PCDH9: variants seen among roughly 807,000 people sequenced by gnomAD.
PCDH9 encodes the protein protocadherin-9.
A neutral mutation model predicts 70.6 loss-of-function variants in PCDH9; 24 were observed. That is an observed-to-expected ratio of 0.34 (90% CI 0.25 to 0.48). PCDH9 has a LOEUF of 0.48. Ranked by LOEUF, PCDH9 falls within the 20% of genes least tolerant of loss-of-function variation. The pLI is 0.99. For missense variants in PCDH9, 1,281 were observed against 1,503.6 expected, an observed-to-expected ratio of 0.85 and a Z score of 2.45; for synonymous variants, 562 against 558.5, an observed-to-expected ratio of 1.01 and a Z score of -0.09.
chr13:66,981,566 T>G (rs1454710261), intron 2 of PCDH9, among the ~76,000 whole-genome samples: 1 of 152,098 alleles, frequency 6.6e-6, no homozygotes, highest in African/African-American at 2.4e-5. Context: ...CAATTTAAAC[T>G]TATTGAATTA....
intron 3 of PCDH9, among the ~76,000 whole-genome samples, chr13:66,700,923 A>AATATAT (rs58852431): frequency 0.012 from 721 of 58,264 alleles, 28 homozygotes; most frequent in Non-Finnish European, 0.016. Flanking sequence ...TGTACATATA[A>AATATAT]ATATATATAT....
intron 2 of PCDH9, among the ~76,000 whole-genome samples, chr13:67,198,095 G>T (rs1357291335): frequency 6.6e-6 from 1 of 151,296 alleles, no homozygotes; most frequent in Non-Finnish European, 1.5e-5. Flanking sequence ...GAACTATAGG[G>T]ATAATACATT....
rs188277315 is a variant in PCDH9 at position 67,104,242 on chromosome 13, T to C, written c.3036+121163A>G. 2.2e-3 allele frequency among the ~76,000 whole-genome samples: 331 copies of C among 152,300 alleles called. 2 individuals are homozygous for C. The highest frequency in any genetic ancestry group is 0.018 in the Admixed American group (273 of 15,298). The stretch of plus-strand genomic sequence containing the variant: ...TAAGAAACATGGGTATCTCTGTTAC[T>C]TCTAACTAGCAGGTCTGTGCATTGA... On this transcript the variant is annotated intron_variant, in intron 2 of 4. Coordinates refer to ENST00000377865, the MANE Select transcript of PCDH9 (RefSeq NM_203487.3).
At chr13:66,549,779 G>A (rs1961397458) in intron 4 of PCDH9, among the ~76,000 whole-genome samples, 1 of 152,064 alleles carries the variant, frequency 6.6e-6, no homozygotes, top group African/African-American at 2.4e-5. Flanking sequence ...CAGCACTTTG[G>A]GAGGCCAATG....
chr13:66,338,953 C>T (rs1432604098), intron 4 of PCDH9, among the ~76,000 whole-genome samples: 2 of 151,628 alleles, frequency 1.3e-5, no homozygotes, highest in African/African-American at 2.4e-5. Context: ...CAGAAAAACA[C>T]GAGAACTCCA....
chr13:67,207,553 G>A (rs2089380154), intron 2 of PCDH9: 1 of 152,154 alleles, frequency 6.6e-6, no homozygotes, highest in South Asian at 2.1e-4. Flanking sequence ...GCTGGTGTTT[G>A]ACATCTACTT....
At chr13:66,442,968 A>C (rs1270920204) in intron 4 of PCDH9, among the ~76,000 whole-genome samples, 1 of 152,160 alleles carries the variant, frequency 6.6e-6, no homozygotes, top group Non-Finnish European at 1.5e-5. Flanking sequence ...TTTTTGGTTT[A>C]CACAGCTGCA....
At chr13:66,710,013 G>A (rs1387209878) in intron 3 of PCDH9, among the ~76,000 whole-genome samples, 1 of 151,958 alleles carries the variant, frequency 6.6e-6, no homozygotes, top group African/African-American at 2.4e-5. Flanking sequence ...TCTGTTTTTA[G>A]ACAGTTGAGG....
intron 4 of PCDH9, among the ~76,000 whole-genome samples, chr13:66,541,439 A>G (rs1932881): frequency 0.24 from 35,918 of 152,088 alleles, 4,720 homozygotes; most frequent in South Asian, 0.34. Context: ...CACAATATCA[A>G]GGTGTCAGCA....
chr13:67,031,407 A>C (rs2084903167), intron 2 of PCDH9, among the ~76,000 whole-genome samples: 1 of 152,216 alleles, frequency 6.6e-6, no homozygotes, highest in Non-Finnish European at 1.5e-5. Flanking sequence ...GTCAATGTTT[A>C]TAATATAATT....
intron 2 of PCDH9, among the ~76,000 whole-genome samples, chr13:67,029,674 T>C (rs1318779676): frequency 6.6e-6 from 1 of 152,220 alleles, no homozygotes; most frequent in African/African-American, 2.4e-5. Flanking sequence ...GGAACTAAGC[T>C]TATTCATCAT....
At chr13:66,721,540 TG>T (rs2078941694) in intron 3 of PCDH9, among the ~76,000 whole-genome samples, 2 of 151,848 alleles carry the variant, frequency 1.3e-5, no homozygotes, top group Non-Finnish European at 2.9e-5. Context: ...GATATTTTAG[TG>T]TTTTTTTTTC....
chr13:67,002,709 T>A (rs2084269168), intron 2 of PCDH9, among the ~76,000 whole-genome samples: 2 of 151,958 alleles, frequency 1.3e-5, no homozygotes, highest in South Asian at 4.1e-4. Flanking sequence ...GAGAATTTAA[T>A]CTTCTATGAA....
At chr13:66,652,655 C>T (rs1033323443) in intron 3 of PCDH9, among the ~76,000 whole-genome samples, 2 of 151,178 alleles carry the variant, frequency 1.3e-5, no homozygotes, top group African/African-American at 4.8e-5. Context: ...TATATGGAAC[C>T]ACAAATTACC....
chr13:66,520,174 C>T (rs1033793849), intron 4 of PCDH9, among the ~76,000 whole-genome samples: 7 of 152,100 alleles, frequency 4.6e-5, no homozygotes, highest in Non-Finnish European at 1.0e-4. Context: ...TTATTTTTAG[C>T]ATCTTTTGTT....
At chr13:66,734,876 A>T (rs1008575638) in intron 3 of PCDH9, among the ~76,000 whole-genome samples, 4 of 152,190 alleles carry the variant, frequency 2.6e-5, no homozygotes, top group African/African-American at 9.6e-5. Context: ...AAGCAACTCC[A>T]TTATGAATCC....
chr13:66,597,427 C>T (rs1024826983), intron 4 of PCDH9, among the ~76,000 whole-genome samples: 3 of 151,694 alleles, frequency 2.0e-5, no homozygotes, highest in African/African-American at 4.8e-5. Flanking sequence ...AATAAACTCA[C>T]GTATATACAG....
chr13:66,998,155 G>T (rs1319026333), intron 2 of PCDH9, among the ~76,000 whole-genome samples: 1 of 152,186 alleles, frequency 6.6e-6, no homozygotes, highest in Non-Finnish European at 1.5e-5. Context: ...ATCCAGTTTA[G>T]AGAGTGGCAA....
At chr13:66,827,682 G>A (rs1413198158) in intron 3 of PCDH9, among the ~76,000 whole-genome samples, 1 of 152,086 alleles carries the variant, frequency 6.6e-6, no homozygotes, top group Non-Finnish European at 1.5e-5. Context: ...CATGAGAGAT[G>A]GATAAACTTA....
Sources: gnomAD v4.1 joint callset for allele counts (sites outside exome capture counted in the v4.1 genomes callset) on GRCh38, gnomAD v4.1.1 for gene constraint, MANE v1.5 for transcripts, NCBI Gene and HGNC (gene_info 2026-07-23, HGNC 2026-07-21) for gene names.